The following PCDHA11 variants were observed in gnomAD, a reference collection of about 807,000 sequenced individuals.
The protein encoded by PCDHA11 is protocadherin alpha 11.
A neutral mutation model predicts 70.3 loss-of-function variants in PCDHA11; 61 were observed. That is an observed-to-expected ratio of 0.87 (90% confidence interval 0.71 to 1.07). The LOEUF (loss-of-function observed/expected upper bound fraction) is 1.07. Among genes scored for constraint, PCDHA11 ranks in the 50% least tolerant of loss-of-function variants. The pLI is 0.00. For missense variants in PCDHA11, 1,324 were observed against 1,237.5 expected (o/e 1.07, Z -1.05); for synonymous variants, 633 against 555.1 (o/e 1.14, Z -1.97).
intron 1 of PCDHA11, among the ~76,000 whole-genome samples, chr5:140,893,392 C>T (rs116952410): frequency 6.6e-6 from 1 of 152,112 alleles, no homozygotes; most frequent in African/African-American, 2.4e-5. Context: ...GTGGCTCATG[C>T]CTGTAATCCC....
intron 1 of PCDHA11, chr5:140,968,207 A>C: frequency 6.2e-7 from 1 of 1,614,000 alleles, no homozygotes; most frequent in Non-Finnish European, 8.5e-7. Context: ...CATACAGGAG[A>C]ACAATTTGCC....
In PCDHA11 at chr5:140,869,151, C is replaced by T; in HGVS notation, c.48C>T (p.Leu16=). 6.2e-7 allele frequency: 1 copy of T among 1,613,806 alleles called. No individual in the cohort carries two copies. The highest frequency in any genetic ancestry group is 1.1e-5 in the South Asian group (1 of 91,068). Residue 16 remains leucine (L), a synonymous_variant, in exon 1 of 4, where the codon CTC becomes CTT. Coordinates refer to ENST00000398640, the MANE Select transcript of PCDHA11 (RefSeq NM_018902.5). ...RRGLGTPRLQ[L]WLLLLEFWEV... is the part of the protein sequence containing the mutation. Reference sequence around the variant, plus strand: ...GATTGGGCACCCCACGACTACAGCTCTGGCTTCTCCTCCTCGAATTCTGGG... The same window carrying T: ...GATTGGGCACCCCACGACTACAGCTTTGGCTTCTCCTCCTCGAATTCTGGG...
rs375705333 is a variant in PCDHA11 at position 140,927,955 on chromosome 5, C to T, written c.2392-50994C>T. On this transcript the variant is annotated intron_variant, in intron 1 of 3. Coordinates refer to ENST00000398640, the MANE Select transcript of PCDHA11 (RefSeq NM_018902.5). ...GAACCCAGTACCTGAGGACGCTGCC[C>T]CTGGCACAGTGATTGCTCTCTTTAG... 34 of 1,614,198 alleles carry T rather than the reference C, an allele frequency of 2.1e-5. 1 individual carries two copies. In the Middle Eastern group the frequency reaches 9.9e-4, roughly 47 times the overall value.
intron 1 of PCDHA11, among the ~76,000 whole-genome samples, chr5:140,921,833 T>C (rs1228666561): frequency 1.3e-5 from 2 of 152,094 alleles, no homozygotes; most frequent in Admixed American, 6.6e-5. Flanking sequence ...TATACACATA[T>C]AGACATATTT....
chr5:140,932,101 T>G (rs1281828369), intron 1 of PCDHA11, among the ~76,000 whole-genome samples: 6 of 151,958 alleles, frequency 3.9e-5, no homozygotes, highest in Non-Finnish European at 8.8e-5. Context: ...TTTTTATCTC[T>G]GTATTTCCAA....
At position 141,012,179 on chromosome 5, in the gene PCDHA11, T is replaced by C. The variant is rs2098423152; in HGVS notation, c.*2242T>C. ...GGGCTAATTTATTAATGATGATAAT[T>C]ATAATGTATCTGTACAGCACTTTTT... is the stretch of plus-strand genomic sequence containing the variant. On this transcript the variant is annotated 3_prime_UTR_variant, in exon 4 of 4. Coordinates refer to ENST00000398640, the MANE Select transcript of PCDHA11 (RefSeq NM_018902.5). 1 of 153,764 alleles carries C rather than the reference T, an allele frequency of 6.5e-6. No individual in the cohort carries two copies. Among genetic ancestry groups the C allele is most frequent in the South Asian group, 2.1e-4 (1 of 4,828 alleles). 9.5% of individuals were successfully genotyped at this position (153,764 alleles called of 1,614,324 possible). A position where few individuals can be genotyped will look rare whatever the true frequency, so the allele number is the denominator to read the frequency against.
intron 1 of PCDHA11, among the ~76,000 whole-genome samples, chr5:140,948,600 A>G (rs1369107358): frequency 6.6e-6 from 1 of 151,576 alleles, no homozygotes; most frequent in African/African-American, 2.4e-5. Flanking sequence ...TCAATTTATC[A>G]TATTTTTGGC....
At chr5:140,995,546 C>T (rs2097688546) in intron 3 of PCDHA11, among the ~76,000 whole-genome samples, 1 of 152,184 alleles carries the variant, frequency 6.6e-6, no homozygotes, top group African/African-American at 2.4e-5. Context: ...AAGGGGCGAT[C>T]ACTGTACTGA....
chr5:140,878,139 T>G, intron 1 of PCDHA11: 1 of 191,254 alleles, frequency 5.2e-6, no homozygotes, highest in South Asian at 1.6e-4. Flanking sequence ...AGTGGCCAGA[T>G]GTTTGATAAC....
At chr5:140,977,307 G>C (rs1023836424) in intron 1 of PCDHA11, among the ~76,000 whole-genome samples, 1 of 152,186 alleles carries the variant, frequency 6.6e-6, no homozygotes, top group Admixed American at 6.5e-5. Flanking sequence ...ACAAGCTAAC[G>C]ATAGTGCTCC....
chr5:140,968,594 A>G (rs1218717024), intron 1 of PCDHA11: 3 of 1,614,176 alleles, frequency 1.9e-6, no homozygotes, highest in Non-Finnish European at 2.5e-6. Flanking sequence ...AGTCATAGCT[A>G]TGGACTCAGA....
intron 3 of PCDHA11, among the ~76,000 whole-genome samples, chr5:140,984,282 C>T (rs543279467): frequency 6.6e-6 from 1 of 152,296 alleles, no homozygotes; most frequent in Admixed American, 6.5e-5. Flanking sequence ...ATACATTCTC[C>T]CTCCCATTGG....
intron 1 of PCDHA11, among the ~76,000 whole-genome samples, chr5:140,903,353 G>C (rs782739410): frequency 6.6e-5 from 10 of 152,156 alleles, no homozygotes; most frequent in Non-Finnish European, 1.3e-4. Context: ...TAAAAAACAA[G>C]TTTTTCAAAA....
At chr5:140,925,966 A>G (rs782294082) in intron 1 of PCDHA11, among the ~76,000 whole-genome samples, 2 of 149,366 alleles carry the variant, frequency 1.3e-5, no homozygotes, top group Non-Finnish European at 3.0e-5. Flanking sequence ...CTATCACGCA[A>G]AAAAAAAGCC....
At chr5:140,989,140 C>A (rs2153881117) in intron 3 of PCDHA11, among the ~76,000 whole-genome samples, 1 of 152,290 alleles carries the variant, frequency 6.6e-6, no homozygotes, top group East Asian at 1.9e-4. Context: ...CACTTTATCC[C>A]TTCTTTTGTT....
At chr5:140,947,252 T>A (rs1554218120) in intron 1 of PCDHA11, among the ~76,000 whole-genome samples, 1 of 151,596 alleles carries the variant, frequency 6.6e-6, no homozygotes, top group Non-Finnish European at 1.5e-5. Flanking sequence ...GATAATCCAA[T>A]GTACCATTTG....
chr5:140,876,190 C>A (rs782463342), intron 1 of PCDHA11: 1 of 1,613,936 alleles, frequency 6.2e-7, no homozygotes, highest in Non-Finnish European at 8.5e-7. Context: ...TGACAATGGT[C>A]CGGCGTTTGA....
chr5:140,986,285 A>AGACT (rs1311762694), intron 3 of PCDHA11, among the ~76,000 whole-genome samples: 3 of 152,134 alleles, frequency 2.0e-5, no homozygotes, highest in Admixed American at 2.0e-4. Flanking sequence ...GCTTCCCTTG[A>AGACT]GACTGAGCAG....
intron 2 of PCDHA11, 87 bp downstream of exon 2, chr5:140,979,094 T>C (rs1203462119): frequency 6.4e-7 from 1 of 1,551,870 alleles, no homozygotes; most frequent in Non-Finnish European, 8.7e-7. Flanking sequence ...CAGAAGCAGC[T>C]GTCAAAACTA....
Sources: gnomAD v4.1 joint callset for allele counts (sites outside exome capture counted in the v4.1 genomes callset) on GRCh38, gnomAD v4.1.1 for gene constraint, MANE v1.5 for transcripts, NCBI Gene and HGNC (gene_info 2026-07-23, HGNC 2026-07-21) for gene names.